RIC3: variants seen among roughly 807,000 people sequenced by gnomAD.
The protein encoded by RIC3 is protein RIC-3.
Under a neutral mutation model 27.3 loss-of-function variants are expected in RIC3, and 28 were observed. The observed-to-expected ratio is 1.02, with a 90% CI of 0.76 to 1.41. The LOEUF (loss-of-function observed/expected upper bound fraction) is 1.41. Ranked by LOEUF, RIC3 falls within the 40% of genes most tolerant of loss-of-function variation. The pLI, the probability that RIC3 is intolerant of heterozygous loss-of-function variation, is 0.00. For missense variants in RIC3, 501 were observed against 444.7 expected, an observed-to-expected ratio of 1.13 and a Z score of -1.14; for synonymous variants, 184 against 160.4, an observed-to-expected ratio of 1.15 and a Z score of -1.11.
chr11:8,141,724 C>T (rs1051983072), intron 1 of RIC3, among the ~76,000 whole-genome samples: 3 of 152,152 alleles, frequency 2.0e-5, no homozygotes, highest in East Asian at 1.9e-4. Flanking sequence ...ACAGAATATA[C>T]ATTTTTTTCA....
At chr11:8,101,985 CTG>C, downstream of RIC3, 1 of 252,132 alleles carries the variant, frequency 4.0e-6, no homozygotes, top group Non-Finnish European at 7.7e-6. Flanking sequence ...CACTGCAGGG[CTG>C]CTGTGGCCCA....
the RIC3 span, chr11:8,097,236 C>T: frequency 1.2e-6 from 2 of 1,614,088 alleles, no homozygotes; most frequent in East Asian, 2.2e-5. Context: ...AGGAGGCAGC[C>T]TCAGCCCCTA....
At chr11:8,144,110 C>T (rs369759313) in intron 1 of RIC3, among the ~76,000 whole-genome samples, 38 of 151,474 alleles carry the variant, frequency 2.5e-4, no homozygotes, top group African/African-American at 5.3e-4. Flanking sequence ...ATTCAGGACA[C>T]AGGCATGGGC....
At chr11:8,130,806 C>A (rs982424571) in intron 4 of RIC3, among the ~76,000 whole-genome samples, 8 of 151,786 alleles carry the variant, frequency 5.3e-5, no homozygotes, top group Non-Finnish European at 8.8e-5. Context: ...AAAGTATATG[C>A]CAAGTCCAGA....
intron 5 of RIC3, among the ~76,000 whole-genome samples, chr11:8,126,308 A>G (rs528328401): frequency 5.9e-5 from 9 of 152,308 alleles, no homozygotes; most frequent in African/African-American, 1.9e-4. Flanking sequence ...ATGAATGTCA[A>G]AAGTATTACG....
chr11:8,143,728 C>T lies in RIC3; in HGVS notation c.125-3535G>A, dbSNP rs577674009. On this transcript the variant is annotated intron_variant, in intron 1 of 5. Transcript: ENST00000309737. ...AAGAGCCCGCATCGCCAAGGCAATC[C>T]TAAGCCAAAAGAACAAAGCTGGAGG... Among the ~76,000 whole-genome samples the T allele has an allele frequency of 1.6e-4, 24 of 152,242 alleles. No homozygotes were observed. In the East Asian group the frequency reaches 4.1e-3, roughly 26 times the overall value.
chr11:8,143,981 G>A (rs1227652735), intron 1 of RIC3, among the ~76,000 whole-genome samples: 10 of 152,268 alleles, frequency 6.6e-5, no homozygotes, highest in African/African-American at 1.7e-4. Context: ...GCCATATGTA[G>A]AAAGCTGAAA....
intron 1 of RIC3, among the ~76,000 whole-genome samples, chr11:8,154,531 C>CT (rs1439681179): frequency 6.6e-6 from 1 of 152,094 alleles, no homozygotes; most frequent in Non-Finnish European, 1.5e-5. Context: ...CCTTTTCTGC[C>CT]TTTTTTTCCA....
In RIC3 at chr11:8,110,041, C is replaced by T. The variant is rs1402237503; in HGVS notation, c.*657G>A. Reference sequence around the variant, plus strand: ...ATATCCAGGTAGTATCAGAGTAAAACAGTCCCCAAACAAGCCTCTGGGCTC... The same window carrying T: ...ATATCCAGGTAGTATCAGAGTAAAATAGTCCCCAAACAAGCCTCTGGGCTC... On this transcript the variant is annotated 3_prime_UTR_variant, in exon 6 of 6. Coordinates refer to ENST00000309737, the MANE Select transcript of RIC3 (RefSeq NM_001206671.4). 6.4e-6 allele frequency: 1 copy of T among 157,128 alleles called. No homozygotes were observed. 9.7% of individuals were successfully genotyped at this position (157,128 alleles called of 1,614,324 possible). A position where few individuals can be genotyped will look rare whatever the true frequency, so the allele number is the denominator to read the frequency against.
At position 8,110,527 on chromosome 11, in the gene RIC3, G is replaced by A; in HGVS notation, c.*171C>T. 1.4e-6 allele frequency: 1 copy of A among 705,570 alleles called. No homozygotes were observed. The highest frequency in any genetic ancestry group is 1.5e-5 in the South Asian group (1 of 65,748). The allele number at this position is 705,570 out of a possible 1,614,324, so 43.7% of individuals were successfully genotyped here. A position where few individuals can be genotyped will look rare whatever the true frequency, so the allele number is the denominator to read the frequency against. On this transcript the variant is annotated 3_prime_UTR_variant, in exon 6 of 6. Coordinates refer to ENST00000309737, the MANE Select transcript of RIC3 (RefSeq NM_001206671.4). ...CACACTAATGTCCGTGTTTTACAAGGTGACAGGTGTGTGAGCACCAGGAAG... is the reference window on the plus strand; with the variant it reads ...CACACTAATGTCCGTGTTTTACAAGATGACAGGTGTGTGAGCACCAGGAAG...
Position 8,110,490 on chromosome 11 carries a change from C to A in RIC3, c.*208G>T. 1 of 639,238 alleles carries A rather than the reference C, an allele frequency of 1.6e-6. No homozygotes were observed. The highest frequency in any genetic ancestry group is 1.8e-5 in the South Asian group (1 of 56,032). 39.6% of individuals were successfully genotyped at this position (639,238 alleles called of 1,614,324 possible). ...AAAGGCAGGAAGAGAAAGAGCGAAG[C>A]TGTCCTGTGTTCACACTAATGTCCG... On this transcript the variant is annotated 3_prime_UTR_variant, in exon 6 of 6. Transcript: ENST00000309737.
At chr11:8,112,790 G>A (rs56391723) in intron 5 of RIC3, among the ~76,000 whole-genome samples, 11,980 of 152,078 alleles carry the variant, frequency 0.079, 534 homozygotes, top group Admixed American at 0.13. Flanking sequence ...CTTTTCTAGG[G>A]CATTTAGATT....
chr11:8,094,536 T>C, the RIC3 span, among the ~76,000 whole-genome samples: 1 of 152,232 alleles, frequency 6.6e-6, no homozygotes, highest in Non-Finnish European at 1.5e-5. Flanking sequence ...GGACACTCAC[T>C]GCACTGGGGG....
chr11:8,136,975 T>G (rs1005333552), intron 4 of RIC3, among the ~76,000 whole-genome samples: 4 of 152,210 alleles, frequency 2.6e-5, no homozygotes, highest in African/African-American at 4.8e-5. Flanking sequence ...GTACATAAAA[T>G]GAAAATAAGT....
intron 4 of RIC3, chr11:8,135,799 G>T (rs1384221654): frequency 1.3e-5 from 2 of 152,138 alleles, no homozygotes; most frequent in Non-Finnish European, 2.9e-5. Context: ...AGACATAACT[G>T]TCTATAATAG....
At chr11:8,144,589 A>G (rs1260676988) in intron 1 of RIC3, among the ~76,000 whole-genome samples, 20 of 147,040 alleles carry the variant, frequency 1.4e-4, no homozygotes, top group South Asian at 6.6e-4. Context: ...GTGGGACTGT[A>G]AACTAGTTCA....
chr11:8,106,608 T>C lies in RIC3; in HGVS notation c.*4090A>G, dbSNP rs75929538. The C allele has an allele frequency of 6.6e-6, 1 of 152,360 alleles. No homozygotes were observed. The highest frequency in any genetic ancestry group is 1.5e-5 in the Non-Finnish European group (1 of 68,048). 9.4% of individuals were successfully genotyped at this position (152,360 alleles called of 1,614,324 possible). A position where few individuals can be genotyped will look rare whatever the true frequency, so the allele number is the denominator to read the frequency against. On this transcript the variant is annotated 3_prime_UTR_variant, in exon 6 of 6. Coordinates refer to ENST00000309737, the MANE Select transcript of RIC3 (RefSeq NM_001206671.4). The stretch of plus-strand genomic sequence containing the variant: ...CAGGGCTGTAGAGATGAAAAAGGTA[T>C]AAAAGACCCAACCACTTGATGTCTC...
At position 8,117,150 on chromosome 11, in the gene RIC3, T is replaced by G. The variant is rs147593046; in HGVS notation, c.671-6013A>C. Among the ~76,000 whole-genome samples the G allele has an allele frequency of 6.5e-3, 985 of 152,236 alleles. 22 individuals are homozygous for G. The highest frequency in any genetic ancestry group is 0.051 in the Admixed American group (784 of 15,288). On this transcript the variant is annotated intron_variant, in intron 5 of 5. Transcript: ENST00000309737. ...GTGGCACAATCTCAGCTCACTGCAGTCTCCACCTCTTGGACTCATCTCAGC... is the reference window on the plus strand; with the variant it reads ...GTGGCACAATCTCAGCTCACTGCAGGCTCCACCTCTTGGACTCATCTCAGC...
intron 1 of RIC3, among the ~76,000 whole-genome samples, chr11:8,152,511 T>C (rs1008272545): frequency 6.6e-6 from 1 of 152,154 alleles, no homozygotes; most frequent in African/African-American, 2.4e-5. Context: ...ATATCCAGGA[T>C]AGTCAAGTCT....
Sources: allele counts gnomAD v4.1 joint callset (sites outside exome capture counted in the v4.1 genomes callset), GRCh38; gene constraint gnomAD v4.1.1; transcripts MANE v1.5; gene names NCBI Gene and HGNC (gene_info 2026-07-23, HGNC 2026-07-21).